Variants in DOCK2 observed in about 807,000 individuals in gnomAD.
DOCK2 encodes dedicator of cytokinesis protein 2.
DOCK2 carries 87 observed loss-of-function variants against 248.9 expected under a neutral mutation model. The ratio of observed to expected loss-of-function variants is 0.35; its 90% confidence interval spans 0.29 to 0.42. DOCK2 has a LOEUF of 0.42. Ranked by LOEUF, DOCK2 falls within the 10% of genes least tolerant of loss-of-function variation. DOCK2 has a pLI of 1.00. For synonymous variants in DOCK2, 805 were observed against 821.6 expected (o/e 0.98, Z 0.35); for missense variants, 1,747 against 2,300.2 (o/e 0.76, Z 4.92).
chr5:169,754,190 C>G (rs262860), intron 23 of DOCK2, among the ~76,000 whole-genome samples: 1 of 151,930 alleles, frequency 6.6e-6, no homozygotes, highest in South Asian at 2.1e-4. Context: ...ACAAGTCCCT[C>G]TGAGTTTGGA....
chr5:169,729,421 C>G (rs1160889369), intron 22 of DOCK2, among the ~76,000 whole-genome samples: 2 of 152,182 alleles, frequency 1.3e-5, no homozygotes, highest in Admixed American at 6.5e-5. Context: ...AGGACTTCAT[C>G]ATGTGGCACA....
chr5:169,713,961 C>A (rs1278529248), intron 17 of DOCK2, 67 bp from the exon 18 acceptor site: 1 of 1,491,280 alleles, frequency 6.7e-7, no homozygotes, highest in Non-Finnish European at 9.0e-7. Context: ...AATTTGTCTG[C>A]TGCAGGCTCT....
At position 170,067,612 on chromosome 5, in the gene DOCK2, A is replaced by G; in HGVS notation, c.4570A>G (p.Ile1524Val). 1 of 1,614,150 alleles carries G rather than the reference A, an allele frequency of 6.2e-7. No individual in the cohort carries two copies. Among genetic ancestry groups the G allele is most frequent in the Non-Finnish European group, 8.5e-7 (1 of 1,180,004 alleles). ...GTACCAGAGTGATGAGACCCTCCCC[A>G]TCAACCCACTCTCCATGCTCCTGAA... ...NQYQSDETLP[I>V]NPLSMLLNGI... The change falls in exon 45 of 52, where the codon ATC becomes GTC. Residue 1524 changes from isoleucine (I) to valine (V), a missense_variant. Physicochemically the swap from Ile to Val is conservative, Grantham distance 29 (BLOSUM62 3). Coordinates refer to ENST00000520908, the MANE Select transcript of DOCK2 (RefSeq NM_004946.3).
chr5:169,990,050 C>T (rs1778167065), intron 29 of DOCK2, among the ~76,000 whole-genome samples: 1 of 151,254 alleles, frequency 6.6e-6, no homozygotes, highest in East Asian at 1.9e-4. Context: ...CCCACCTCCT[C>T]CAATCCATGT....
intron 8 of DOCK2, among the ~76,000 whole-genome samples, chr5:169,685,621 T>G (rs962579430): frequency 2.0e-5 from 3 of 152,206 alleles, no homozygotes; most frequent in Non-Finnish European, 2.9e-5. Flanking sequence ...CTTCCTGGCT[T>G]GTTGTTATGA....
In DOCK2 at chr5:170,024,220, G is replaced by A. The variant is rs73312380; in HGVS notation, c.3382-3643G>A. ...AGCAGTGGGGTAAGGAGTCAATGAT[G>A]TGATGCAGTCATGTAGCTGTGGATG... On this transcript the variant is annotated intron_variant, in intron 33 of 51. Coordinates refer to ENST00000520908, the MANE Select transcript of DOCK2 (RefSeq NM_004946.3). 7.0e-4 allele frequency among the ~76,000 whole-genome samples: 106 copies of A among 152,316 alleles called. 1 individual carries two copies. Among genetic ancestry groups the A allele is most frequent in the African/African-American group, 2.3e-3 (97 of 41,546 alleles).
At chr5:169,758,589 G>A (rs1764318482) in intron 23 of DOCK2, among the ~76,000 whole-genome samples, 1 of 152,224 alleles carries the variant, frequency 6.6e-6, no homozygotes, top group Non-Finnish European at 1.5e-5. Context: ...ATGGCTCTAA[G>A]TGCAGCCTGC....
intron 34 of DOCK2, among the ~76,000 whole-genome samples, chr5:170,032,572 G>A (rs1756178621): frequency 6.6e-6 from 1 of 152,094 alleles, no homozygotes; most frequent in South Asian, 2.1e-4. Flanking sequence ...ACCAAACACT[G>A]GGAAGAAGCT....
chr5:169,757,416 C>T (rs1764253503), intron 23 of DOCK2, among the ~76,000 whole-genome samples: 1 of 152,098 alleles, frequency 6.6e-6, no homozygotes, highest in African/African-American at 2.4e-5. Flanking sequence ...TTCCAAAATT[C>T]TTTGATTGCG....
At chr5:170,070,919 T>C (rs1158889480) in intron 46 of DOCK2, among the ~76,000 whole-genome samples, 4 of 152,208 alleles carry the variant, frequency 2.6e-5, no homozygotes, top group African/African-American at 9.6e-5. Context: ...CCGGAAGGCT[T>C]TGAAAGCATG....
intron 27 of DOCK2, chr5:169,875,544 C>T (rs1450608089): frequency 1.2e-5 from 3 of 249,112 alleles, no homozygotes; most frequent in Non-Finnish European, 2.4e-5. Context: ...CTGCTGTGGC[C>T]GTTGCAATTA....
At chr5:169,873,987 C>T (rs946993691) in intron 27 of DOCK2, among the ~76,000 whole-genome samples, 20 of 152,292 alleles carry the variant, frequency 1.3e-4, no homozygotes, top group East Asian at 3.9e-4. Context: ...GTGAGGGGGA[C>T]GTGCTAGGAA....
chr5:169,671,561 T>C (rs1759052071), intron 5 of DOCK2, among the ~76,000 whole-genome samples: 1 of 152,234 alleles, frequency 6.6e-6, no homozygotes, highest in African/African-American at 2.4e-5. Flanking sequence ...GAAATACTGT[T>C]CTTATACTTT....
At chr5:169,822,438 C>T (rs1439265574) in intron 26 of DOCK2, among the ~76,000 whole-genome samples, 1 of 152,196 alleles carries the variant, frequency 6.6e-6, no homozygotes, top group Non-Finnish European at 1.5e-5. Flanking sequence ...ACAGTGCAAT[C>T]AAACTAGAAC....
At chr5:169,731,863 G>A (rs1292314388) in intron 22 of DOCK2, among the ~76,000 whole-genome samples, 1 of 152,138 alleles carries the variant, frequency 6.6e-6, no homozygotes, top group Non-Finnish European at 1.5e-5. Flanking sequence ...GCTCATGCCT[G>A]TAATCTTGCA....
chr5:169,740,047 C>A (rs907958883), intron 22 of DOCK2, among the ~76,000 whole-genome samples: 2 of 152,218 alleles, frequency 1.3e-5, no homozygotes, highest in Non-Finnish European at 2.9e-5. Context: ...TACTTAAGTG[C>A]AGAATTATGC....
chr5:169,854,668 T>C (rs1159667639), intron 27 of DOCK2, among the ~76,000 whole-genome samples: 4 of 152,258 alleles, frequency 2.6e-5, no homozygotes, highest in Admixed American at 2.6e-4. Context: ...TCTCTTCCCC[T>C]GGACTGCTTT....
chr5:169,982,918 T>G (rs1777978588), intron 27 of DOCK2, 150 bp from the exon 28 acceptor site: 2 of 686,086 alleles, frequency 2.9e-6, no homozygotes, highest in Admixed American at 2.5e-5. Context: ...GTTATGTTTA[T>G]GTTCGGCACT....
intron 41 of DOCK2, among the ~76,000 whole-genome samples, chr5:170,051,487 C>T (rs1756913600): frequency 6.6e-6 from 1 of 152,210 alleles, no homozygotes; most frequent in Non-Finnish European, 1.5e-5. Flanking sequence ...TCTTACCCAT[C>T]AGATCCTAGC....
Sources: allele counts gnomAD v4.1 joint callset (sites outside exome capture counted in the v4.1 genomes callset), GRCh38; gene constraint gnomAD v4.1.1; transcripts MANE v1.5; gene names NCBI Gene and HGNC (gene_info 2026-07-23, HGNC 2026-07-21).